Variants in NKAIN3 observed in about 807,000 individuals in gnomAD.
NKAIN3 encodes the protein sodium/potassium-transporting ATPase subunit beta-1-interacting protein 3.
Under a neutral mutation model 30.2 loss-of-function variants are expected in NKAIN3, and 25 were observed. The ratio of observed to expected loss-of-function variants is 0.83; its 90% confidence interval spans 0.60 to 1.16. The LOEUF (loss-of-function observed/expected upper bound fraction) is 1.16, where lower values mean the gene tolerates loss of function less well. NKAIN3 is among the 50% of genes most tolerant of loss of function. The pLI is 0.00. For synonymous variants in NKAIN3, 91 were observed against 89.6 expected, an observed-to-expected ratio of 1.02 and a Z score of -0.09; for missense variants, 225 against 254.1, an observed-to-expected ratio of 0.89 and a Z score of 0.78.
chr8:62,562,991 G>T (rs750506290), intron 1 of NKAIN3, among the ~76,000 whole-genome samples: 1 of 152,030 alleles, frequency 6.6e-6, no homozygotes, highest in Non-Finnish European at 1.5e-5. Context: ...AGTCTTAAAT[G>T]TCATGGTAGC....
chr8:62,254,153 C>CATGT, intron 1 of NKAIN3, among the ~76,000 whole-genome samples: 1 of 137,046 alleles, frequency 7.3e-6, no homozygotes, highest in South Asian at 2.6e-4. Context: ...GCTTGGGTAT[C>CATGT]GTGTGTGTGT....
intron 1 of NKAIN3, among the ~76,000 whole-genome samples, chr8:62,499,818 G>C (rs13250643): frequency 0.27 from 26,100 of 95,854 alleles, 2,496 homozygotes; most frequent in Middle Eastern, 0.38. Flanking sequence ...TTGTTTGTTT[G>C]TTTCTTTCTT....
chr8:62,942,794 T>C (rs985203329), intron 5 of NKAIN3, among the ~76,000 whole-genome samples: 3 of 152,104 alleles, frequency 2.0e-5, no homozygotes, highest in African/African-American at 4.8e-5. Context: ...GACACCCTAT[T>C]CGACAAATGG....
intron 1 of NKAIN3, among the ~76,000 whole-genome samples, chr8:62,569,473 G>A (rs915361310): frequency 5.3e-5 from 8 of 152,166 alleles, no homozygotes; most frequent in Middle Eastern, 3.4e-3. Flanking sequence ...GAACTTTCCA[G>A]ACATAAAAAA....
chr8:62,417,699 G>T (rs1442867566), intron 1 of NKAIN3, among the ~76,000 whole-genome samples: 2 of 151,928 alleles, frequency 1.3e-5, no homozygotes, highest in Non-Finnish European at 2.9e-5. Context: ...TTGTAGTTTT[G>T]ATTTAAATTT....
chr8:62,390,362 C>G (rs1817554649), intron 1 of NKAIN3, among the ~76,000 whole-genome samples: 1 of 152,140 alleles, frequency 6.6e-6, no homozygotes, highest in South Asian at 2.1e-4. Context: ...CATGTTCCTG[C>G]AAAGGACATG....
At chr8:62,793,374 A>C (rs1203289106) in intron 4 of NKAIN3, among the ~76,000 whole-genome samples, 2 of 152,106 alleles carry the variant, frequency 1.3e-5, no homozygotes, top group Non-Finnish European at 2.9e-5. Flanking sequence ...TTATCTCACT[A>C]TAGACATGGC....
At chr8:62,337,951 A>C (rs2129590642) in intron 1 of NKAIN3, among the ~76,000 whole-genome samples, 1 of 152,188 alleles carries the variant, frequency 6.6e-6, no homozygotes, top group South Asian at 2.1e-4. Context: ...TATTCTTTAC[A>C]GGAAGATCTG....
chr8:62,693,611 T>C (rs572580117), intron 3 of NKAIN3, among the ~76,000 whole-genome samples: 1 of 152,324 alleles, frequency 6.6e-6, no homozygotes, highest in African/African-American at 2.4e-5. Context: ...TTTAAGCAGC[T>C]TTCTAAAAAC....
rs564642608 is a variant in NKAIN3, at chr8:62,509,310, G to A, written c.55-70229G>A. Among the ~76,000 whole-genome samples, 13 of 152,038 alleles carry A rather than the reference G, an allele frequency of 8.6e-5. No homozygotes were observed. The South Asian group carries it at 2.7e-3, about 32-fold the overall frequency. ...TTTGCACCCCAGATCCTGTTTTGCT[G>A]TCTTATATTAACTTTGACCACCCGC... On this transcript the variant is annotated intron_variant, in intron 1 of 6. Transcript: ENST00000623646.
chr8:62,786,075 T>TC, intron 4 of NKAIN3, among the ~76,000 whole-genome samples: 3 of 151,836 alleles, frequency 2.0e-5, no homozygotes, highest in African/African-American at 7.2e-5. Context: ...CACACCCCCC[T>TC]CCCTGCAACA....
chr8:62,605,457 T>A lies in NKAIN3; in HGVS notation c.273+15663T>A, dbSNP rs75982087. 1.3e-3 allele frequency among the ~76,000 whole-genome samples: 194 copies of A among 151,944 alleles called. 3 individuals carry two copies. In the East Asian group the frequency reaches 0.03, roughly 24 times the overall value. On this transcript the variant is annotated intron_variant, in intron 3 of 6. Coordinates refer to ENST00000623646, the MANE Select transcript of NKAIN3 (RefSeq NM_001304533.3). Reference sequence around the variant, plus strand: ...TCTATAGTCTATTTTATCTAGTATTTACTCGGTTCAAAGCACTATACCAGG... The same window carrying A: ...TCTATAGTCTATTTTATCTAGTATTAACTCGGTTCAAAGCACTATACCAGG...
chr8:62,884,063 A>C (rs1483673963), intron 4 of NKAIN3, among the ~76,000 whole-genome samples: 2 of 152,184 alleles, frequency 1.3e-5, no homozygotes, highest in Non-Finnish European at 2.9e-5. Flanking sequence ...AATCTCACTT[A>C]GTCATGATGC....
At chr8:62,944,364 G>T (rs934543078) in intron 5 of NKAIN3, among the ~76,000 whole-genome samples, 1 of 151,906 alleles carries the variant, frequency 6.6e-6, no homozygotes, top group African/African-American at 2.4e-5. Flanking sequence ...TCTTCTTCAA[G>T]ATTGTCTTAA....
chr8:62,369,240 T>C (rs956706884), intron 1 of NKAIN3, among the ~76,000 whole-genome samples: 29 of 152,090 alleles, frequency 1.9e-4, no homozygotes, highest in Non-Finnish European at 4.3e-4. Flanking sequence ...GGCAAGCCCT[T>C]TCTGGTATAA....
intron 3 of NKAIN3, among the ~76,000 whole-genome samples, chr8:62,718,122 G>A (rs889764926): frequency 1.3e-5 from 2 of 152,070 alleles, no homozygotes; most frequent in African/African-American, 2.4e-5. Context: ...TCACCATCAC[G>A]AGAATAGCAT....
intron 1 of NKAIN3, among the ~76,000 whole-genome samples, chr8:62,335,025 G>A (rs1238411319): frequency 1.3e-5 from 2 of 152,086 alleles, no homozygotes; most frequent in Non-Finnish European, 2.9e-5. Context: ...CCATAATACT[G>A]TTTGTCATTA....
intron 1 of NKAIN3, among the ~76,000 whole-genome samples, chr8:62,530,492 A>T (rs1808454529): frequency 1.3e-5 from 2 of 152,178 alleles, no homozygotes; most frequent in African/African-American, 4.8e-5. Context: ...ATTACTTTTG[A>T]AAGCAACACA....
chr8:62,765,340 A>G (rs1225843196), intron 4 of NKAIN3, among the ~76,000 whole-genome samples: 1 of 152,046 alleles, frequency 6.6e-6, no homozygotes, highest in Non-Finnish European at 1.5e-5. Context: ...AAATCAGAGC[A>G]TGAGTGTGCA....
Sources: gnomAD v4.1 joint callset for allele counts (sites outside exome capture counted in the v4.1 genomes callset) on GRCh38, gnomAD v4.1.1 for gene constraint, MANE v1.5 for transcripts, NCBI Gene and HGNC (gene_info 2026-07-23, HGNC 2026-07-21) for gene names.